Variants in B3GNT5 observed in about 807,000 individuals in gnomAD.
B3GNT5 encodes the protein lactosylceramide 1,3-N-acetyl-beta-D-glucosaminyltransferase.
In B3GNT5, 11 loss-of-function variants were observed where a neutral mutation model predicts 25.9. The ratio of observed to expected loss-of-function variants is 0.42; its 90% CI spans 0.27 to 0.70. B3GNT5 has a LOEUF of 0.70. B3GNT5 is among the 30% of genes least tolerant of loss of function. The probability of loss-of-function intolerance (pLI) is 0.23; values close to 1 mark genes in which losing one functional copy is unlikely to be tolerated. For synonymous variants in B3GNT5, 166 were observed against 158.6 expected (o/e 1.05, Z -0.35); for missense variants, 385 against 458.4 (o/e 0.84, Z 1.46).
chr3:183,273,121 C>G lies in B3GNT5; in HGVS notation c.*2186C>G, dbSNP rs1726926450. 1 of 903,228 alleles carries G rather than the reference C, an allele frequency of 1.1e-6. No homozygotes were observed. Among genetic ancestry groups the G allele is most frequent in the Non-Finnish European group, 1.6e-6 (1 of 608,200 alleles). 56.0% of individuals were successfully genotyped at this position (903,228 alleles called of 1,614,324 possible). ...AAGAAGGAAAAAACTTTTTGGTGCT[C>G]CAGTGTAGGGCTATCTTTTTAAAAA... On this transcript the variant is annotated 3_prime_UTR_variant, in exon 2 of 2. Transcript: ENST00000326505.
intron 1 of B3GNT5, among the ~76,000 whole-genome samples, chr3:183,268,828 C>T (rs920727820): frequency 2.0e-5 from 3 of 152,152 alleles, no homozygotes; most frequent in Admixed American, 6.5e-5. Context: ...AAAGGCAGTG[C>T]TTGTTGGCTA....
chr3:183,271,166 G>A lies in B3GNT5; in HGVS notation c.*231G>A, dbSNP rs536727967. On this transcript the variant is annotated 3_prime_UTR_variant, in exon 2 of 2. Transcript: ENST00000326505. ...TATTTAGAAAAGGTTTATATTATTA[G>A]TGAAAACAAAACTAAAGGGAAGTTC... 8.8e-5 allele frequency: 33 copies of A among 375,276 alleles called. No individual in the cohort carries two copies. Among genetic ancestry groups the A allele is most frequent in the African/African-American group, 6.6e-4 (31 of 47,296 alleles). The allele number at this position is 375,276 out of a possible 1,614,324, so 23.2% of individuals were successfully genotyped here.
chr3:183,261,031 G>T (rs952470131), intron 1 of B3GNT5, among the ~76,000 whole-genome samples: 4 of 152,200 alleles, frequency 2.6e-5, no homozygotes, highest in Non-Finnish European at 5.9e-5. Context: ...TATTGGAAAT[G>T]TAACAGTTGC....
At position 183,270,358 on chromosome 3, in the gene B3GNT5, A is replaced by C. The variant is rs369205848; in HGVS notation, c.560A>C (p.Lys187Thr). The change falls in exon 2 of 2, where the codon AAA becomes ACA. Residue 187 changes from lysine to threonine, a missense_variant. Coordinates refer to ENST00000326505, the MANE Select transcript of B3GNT5 (RefSeq NM_032047.5). The surrounding 1 kb of genome is among the most constrained non-coding windows in gnomAD (Gnocchi z 4.5). ...SWANTYCPHA[K>T]FLMTADDDIF... ...GCAAATACCTATTGTCCACATGCCAAATTTCTTATGACTGCTGATGATGAC... is the reference window on the plus strand; with the variant it reads ...GCAAATACCTATTGTCCACATGCCACATTTCTTATGACTGCTGATGATGAC... 6 of 1,614,172 alleles carry C rather than the reference A, an allele frequency of 3.7e-6. No individual in the cohort carries two copies. The highest frequency in any genetic ancestry group is 4.2e-6 in the Non-Finnish European group (5 of 1,180,020).
At chr3:183,258,734 C>CT (rs75257179) in intron 1 of B3GNT5, among the ~76,000 whole-genome samples, 42 of 151,404 alleles carry the variant, frequency 2.8e-4, no homozygotes, top group Admixed American at 6.6e-4. Context: ...CCCATGTACT[C>CT]TTTTTTTTTA....
chr3:183,269,490 T>C lies in B3GNT5; in HGVS notation c.-301-8T>C. 7.1e-6 allele frequency: 2 copies of C among 281,226 alleles called. No individual in the cohort carries two copies. Among genetic ancestry groups the C allele is most frequent in the Non-Finnish European group, 1.3e-5 (2 of 151,546 alleles). 17.4% of individuals were successfully genotyped at this position (281,226 alleles called of 1,614,324 possible). ...ATTGTGATTCTTTTCTCTTCTTGAC[T>C]GTGATAGGTGGCATGGAATATTCAC... On this transcript the variant is annotated splice_polypyrimidine_tract_variant and splice_region_variant and intron_variant, in intron 1 of 1. Coordinates refer to ENST00000326505, the MANE Select transcript of B3GNT5 (RefSeq NM_032047.5).
chr3:183,254,004 G>C (rs986338705), intron 1 of B3GNT5: 4 of 152,150 alleles, frequency 2.6e-5, no homozygotes, highest in Admixed American at 6.5e-5. Context: ...GCGGCCCCGA[G>C]CTGGGCTCCC....
At chr3:183,257,811 G>A (rs1355447668) in intron 1 of B3GNT5, among the ~76,000 whole-genome samples, 1 of 151,536 alleles carries the variant, frequency 6.6e-6, no homozygotes, top group Non-Finnish European at 1.5e-5. Context: ...CCTTTTTTCC[G>A]TTTTTTCCCT....
In B3GNT5 at chr3:183,271,956, T is replaced by A. The variant is rs150155893; in HGVS notation, c.*1021T>A. On this transcript the variant is annotated 3_prime_UTR_variant, in exon 2 of 2. Transcript: ENST00000326505. ...CCCACTCCTCCCCAACAAGGTCTTA[T>A]AAACCACAGCACTTTGTTCCAAGTT... 7 of 199,384 alleles carry A rather than the reference T, an allele frequency of 3.5e-5. No individual in the cohort carries two copies. Among genetic ancestry groups the A allele is most frequent in the African/African-American group, 1.7e-4 (7 of 42,064 alleles). 12.4% of individuals were successfully genotyped at this position (199,384 alleles called of 1,614,324 possible).
rs1264215973 is a variant in B3GNT5 at position 183,271,940 on chromosome 3, C to A, written c.*1005C>A. 1 of 176,660 alleles carries A rather than the reference C, an allele frequency of 5.7e-6. No homozygotes were observed. Among genetic ancestry groups the A allele is most frequent in the African/African-American group, 2.4e-5 (1 of 41,658 alleles). 10.9% of individuals were successfully genotyped at this position (176,660 alleles called of 1,614,324 possible). A position where few individuals can be genotyped will look rare whatever the true frequency, so the allele number is the denominator to read the frequency against. On this transcript the variant is annotated 3_prime_UTR_variant, in exon 2 of 2. Transcript: ENST00000326505. ...TGATTACTAAAATTAACCCACTCCTCCCCAACAAGGTCTTATAAACCACAG... is the reference window on the plus strand; with the variant it reads ...TGATTACTAAAATTAACCCACTCCTACCCAACAAGGTCTTATAAACCACAG...
At chr3:183,269,244 T>TTTTTTTTTTTTTTTTTTTTTTTTG in intron 1 of B3GNT5, among the ~76,000 whole-genome samples, 1 of 148,926 alleles carries the variant, frequency 6.7e-6, no homozygotes, top group Non-Finnish European at 1.5e-5. Context: ...TTTTTTTTTT[T>TTTTTTTTTTTTTTTTTTTTTTTTG]TTTTAAGAGT....
chr3:183,264,330 G>C (rs890078279), intron 1 of B3GNT5, among the ~76,000 whole-genome samples: 1 of 152,144 alleles, frequency 6.6e-6, no homozygotes, highest in African/African-American at 2.4e-5. Context: ...AACCCCCACC[G>C]ATTTCTCTAC....
chr3:183,258,389 G>C (rs965242361), intron 1 of B3GNT5: 1 of 152,694 alleles, frequency 6.5e-6, no homozygotes, highest in African/African-American at 2.4e-5. Flanking sequence ...CCAGGATCAG[G>C]TGCATTCAGC....
chr3:183,270,860 C>T lies in B3GNT5; in HGVS notation c.1062C>T (p.Cys354=), dbSNP rs371120079. Residue 354 remains cysteine (C), a synonymous_variant, in exon 2 of 2, where the codon TGC becomes TGT. Transcript: ENST00000326505. The surrounding 1 kb of genome is among the most constrained non-coding windows in gnomAD (Gnocchi z 4.5). ...ISKGFFGQIY[C]RLMKIILLCK... ...AAGGTTTTTTTGGTCAAATATACTG[C>T]AGATTAATGAAGATAATTCTCCTTT... 20 of 1,612,262 alleles carry T rather than the reference C, an allele frequency of 1.2e-5. No homozygotes were observed. The highest frequency in any genetic ancestry group is 1.7e-5 in the Non-Finnish European group (20 of 1,179,484).
chr3:183,267,133 C>T lies in B3GNT5; in HGVS notation c.-301-2365C>T, dbSNP rs1726223400. Among the ~76,000 whole-genome samples the T allele has an allele frequency of 1.3e-5, 2 of 152,094 alleles. No individual in the cohort carries two copies. The highest frequency in any genetic ancestry group is 2.9e-5 in the Non-Finnish European group (2 of 68,006). Reference sequence around the variant, plus strand: ...CACAGCAACACATTTCCCATTACACCCCTGAACACACACACACAGAAAACC... The same window carrying T: ...CACAGCAACACATTTCCCATTACACTCCTGAACACACACACACAGAAAACC... On this transcript the variant is annotated intron_variant, in intron 1 of 1. Transcript: ENST00000326505. The surrounding 1 kb of genome is among the most constrained non-coding windows in gnomAD (Gnocchi z 5.5).
intron 1 of B3GNT5, among the ~76,000 whole-genome samples, chr3:183,263,566 C>T (rs1454901928): frequency 2.0e-5 from 3 of 152,040 alleles, no homozygotes. Context: ...ATTTTTCCTC[C>T]AGGCCCATTG....
chr3:183,266,292 C>CG (rs1726116999), intron 1 of B3GNT5, among the ~76,000 whole-genome samples: 2 of 152,198 alleles, frequency 1.3e-5, no homozygotes, highest in Non-Finnish European at 2.9e-5. Flanking sequence ...TGGAGCTTGC[C>CG]GGGCACAGCT....
chr3:183,253,436 G>T lies in B3GNT5; in HGVS notation c.-338G>T, dbSNP rs577740403. The T allele has an allele frequency of 5.3e-5, 8 of 152,208 alleles. No homozygotes were observed. Among genetic ancestry groups the T allele is most frequent in the African/African-American group, 1.7e-4 (7 of 41,516 alleles). The allele number at this position is 152,208 out of a possible 1,614,324, so 9.4% of individuals were successfully genotyped here. A position where few individuals can be genotyped will look rare whatever the true frequency, so the allele number is the denominator to read the frequency against. ...GCTGGGCTTGAACTTCGTGAGTTTC[G>T]CTCTAAACTGCCCTTGAAATGAAGC... On this transcript the variant is annotated 5_prime_UTR_variant, in exon 1 of 2. Coordinates refer to ENST00000326505, the MANE Select transcript of B3GNT5 (RefSeq NM_032047.5).
intron 1 of B3GNT5, among the ~76,000 whole-genome samples, chr3:183,255,790 T>C (rs1724986045): frequency 6.6e-6 from 1 of 150,808 alleles, no homozygotes; most frequent in South Asian, 2.1e-4. Context: ...ATAAAAGACA[T>C]TCAAATGGTG....
Sources: gnomAD v4.1 joint callset for allele counts (sites outside exome capture counted in the v4.1 genomes callset) on GRCh38, gnomAD v4.1.1 for gene constraint, Gnocchi (gnomAD v3.1) non-coding constraint, MANE v1.5 for transcripts, NCBI Gene and HGNC (gene_info 2026-07-23, HGNC 2026-07-21) for gene names.